TMPRSS15: variants seen among roughly 807,000 people sequenced by gnomAD.
TMPRSS15 encodes the protein transmembrane serine protease 15.
In TMPRSS15, 128 loss-of-function variants were observed where a neutral mutation model predicts 125.3. That is an observed-to-expected ratio of 1.02 (90% confidence interval 0.89 to 1.18). The LOEUF (loss-of-function observed/expected upper bound fraction) is 1.18, where lower values mean the gene tolerates loss of function less well. Among genes scored for constraint, TMPRSS15 ranks in the 50% most tolerant of loss-of-function variants. TMPRSS15 has a pLI of 0.00. For missense variants in TMPRSS15, 1,283 were observed against 1,212.7 expected, an observed-to-expected ratio of 1.06 and a Z score of -0.86; for synonymous variants, 446 against 423.2, an observed-to-expected ratio of 1.05 and a Z score of -0.66.
chr21:18,432,922 G>T (rs2824828), intron 1 of TMPRSS15, among the ~76,000 whole-genome samples: 16,803 of 152,022 alleles, frequency 0.11, 1,028 homozygotes, highest in African/African-American at 0.13. Flanking sequence ...CCGAAAAAGT[G>T]GGGACTAATT....
intron 3 of TMPRSS15, among the ~76,000 whole-genome samples, chr21:18,394,015 T>C (rs1325263948): frequency 2.0e-5 from 3 of 152,148 alleles, no homozygotes; most frequent in African/African-American, 7.2e-5. Flanking sequence ...AGCGAGCAAA[T>C]GAATGGATGA....
At chr21:18,298,762 C>T (rs1436869546) in intron 18 of TMPRSS15, among the ~76,000 whole-genome samples, 1 of 152,162 alleles carries the variant, frequency 6.6e-6, no homozygotes, top group African/African-American at 2.4e-5. Flanking sequence ...TTTTGGAGTA[C>T]TGTGATGGAC....
At chr21:18,314,011 T>A (rs1233629917) in intron 17 of TMPRSS15, among the ~76,000 whole-genome samples, 15 of 152,102 alleles carry the variant, frequency 9.9e-5, no homozygotes. Flanking sequence ...AGTGGCCAGG[T>A]AGGGACTGGA....
chr21:18,410,633 T>G (rs1187272626), intron 1 of TMPRSS15, among the ~76,000 whole-genome samples: 1 of 152,108 alleles, frequency 6.6e-6, no homozygotes, highest in Non-Finnish European at 1.5e-5. Flanking sequence ...TTCCCTACTA[T>G]TTTTGTTATT....
chr21:18,469,771 C>A (rs1245577887), intron 1 of TMPRSS15, among the ~76,000 whole-genome samples: 1 of 152,046 alleles, frequency 6.6e-6, no homozygotes. Flanking sequence ...GTAATTCACC[C>A]TATTTCTGTT....
intron 10 of TMPRSS15, among the ~76,000 whole-genome samples, chr21:18,345,761 A>AAAAAAAAAAAAAAAAC: frequency 6.9e-6 from 1 of 145,058 alleles, no homozygotes; most frequent in Non-Finnish European, 1.5e-5. Flanking sequence ...AAAAAAAAAA[A>AAAAAAAAAAAAAAAAC]ATCCACTGAA....
chr21:18,383,519 G>A, intron 4 of TMPRSS15, 108 bp downstream of exon 4: 2 of 1,299,096 alleles, frequency 1.5e-6, no homozygotes, highest in South Asian at 1.3e-5. Context: ...CAGGCAATAA[G>A]ACATGTTCCT....
chr21:18,403,618 C>A lies in TMPRSS15; in HGVS notation c.5G>T (p.Gly2Val), dbSNP rs761551842. Reference sequence around the variant, plus strand: ...CCTAGAAGATATGCCTCTTTTCGACCCCATTTTTGGTTTTGAAGGCTTGCT... The same window carrying A: ...CCTAGAAGATATGCCTCTTTTCGACACCATTTTTGGTTTTGAAGGCTTGCT... The part of the protein sequence containing the change: M[G>V]SKRGISSRHH... Residue 2 changes from glycine (G) to valine (V), a missense_variant, in exon 1 of 25, where the codon GGG (glycine) becomes GTG (valine). By Grantham distance (109) the Gly-to-Val change is moderately radical. Transcript: ENST00000284885. 6.2e-7 allele frequency: 1 copy of A among 1,613,940 alleles called. No homozygotes were observed. Among genetic ancestry groups the A allele is most frequent in the Non-Finnish European group, 8.5e-7 (1 of 1,179,924 alleles).
intron 24 of TMPRSS15, among the ~76,000 whole-genome samples, chr21:18,270,518 A>G (rs2074542773): frequency 6.6e-6 from 1 of 152,176 alleles, no homozygotes; most frequent in Non-Finnish European, 1.5e-5. Context: ...CACTATGGAA[A>G]AGACAAATTA....
At chr21:18,447,714 T>A (rs1350101202) in intron 1 of TMPRSS15, among the ~76,000 whole-genome samples, 1 of 152,176 alleles carries the variant, frequency 6.6e-6, no homozygotes, top group Non-Finnish European at 1.5e-5. Context: ...ACTTGTCTCT[T>A]GCTTGTTGCC....
At chr21:18,334,464 G>T (rs2075372997) in intron 13 of TMPRSS15, among the ~76,000 whole-genome samples, 1 of 152,144 alleles carries the variant, frequency 6.6e-6, no homozygotes, top group Non-Finnish European at 1.5e-5. Context: ...GTTGGAGCTG[G>T]TGGATGAAAA....
At chr21:18,372,687 A>G (rs1256705034) in intron 5 of TMPRSS15, among the ~76,000 whole-genome samples, 1 of 152,202 alleles carries the variant, frequency 6.6e-6, no homozygotes, top group East Asian at 1.9e-4. Context: ...TTCCCAGTGC[A>G]TTGTGACATT....
At chr21:18,450,385 ATGGC>A (rs2076265393) in intron 1 of TMPRSS15, among the ~76,000 whole-genome samples, 1 of 152,104 alleles carries the variant, frequency 6.6e-6, no homozygotes, top group Non-Finnish European at 1.5e-5. Context: ...TCAGTTTCAC[ATGGC>A]GATTTCCTAT....
At chr21:18,361,010 G>A (rs2075675029) in intron 7 of TMPRSS15, among the ~76,000 whole-genome samples, 1 of 151,830 alleles carries the variant, frequency 6.6e-6, no homozygotes, top group African/African-American at 2.4e-5. Context: ...TCAAGGACAG[G>A]GATTAATTCA....
chr21:18,312,911 A>G, intron 18 of TMPRSS15, 34 bp downstream of exon 18: 2 of 1,611,802 alleles, frequency 1.2e-6, no homozygotes, highest in Non-Finnish European at 1.7e-6. Context: ...AGGTTTGCAA[A>G]TCTCTTAAAA....
intron 13 of TMPRSS15, among the ~76,000 whole-genome samples, chr21:18,336,305 G>C (rs1279688566): frequency 6.6e-6 from 1 of 152,168 alleles, no homozygotes; most frequent in Non-Finnish European, 1.5e-5. Context: ...AATAGATGTA[G>C]CTTGAGAAAT....
chr21:18,303,551 T>C (rs192018402), intron 18 of TMPRSS15, among the ~76,000 whole-genome samples: 23 of 152,330 alleles, frequency 1.5e-4, no homozygotes, highest in Admixed American at 1.5e-3. Flanking sequence ...GGTTTTGTTA[T>C]AAGCTTCATA....
intron 5 of TMPRSS15, among the ~76,000 whole-genome samples, chr21:18,374,170 A>T (rs1402970093): frequency 6.6e-6 from 1 of 152,144 alleles, no homozygotes; most frequent in Non-Finnish European, 1.5e-5. Context: ...GTATTTAGTG[A>T]TGTGTGAAGA....
intron 1 of TMPRSS15, among the ~76,000 whole-genome samples, chr21:18,468,518 A>G (rs935094133): frequency 2.1e-5 from 3 of 142,306 alleles, no homozygotes; most frequent in African/African-American, 7.5e-5. Context: ...CCAGGAAAGC[A>G]TTCAGTTTTT....
Sources: allele counts gnomAD v4.1 joint callset (sites outside exome capture counted in the v4.1 genomes callset), GRCh38; gene constraint gnomAD v4.1.1; transcripts MANE v1.5; gene names NCBI Gene and HGNC (gene_info 2026-07-23, HGNC 2026-07-21).